The following CMIP variants were observed in gnomAD, a reference collection of about 807,000 sequenced individuals.
CMIP encodes the protein c-Maf inducing protein.
A neutral mutation model predicts 97.3 loss-of-function variants in CMIP; 13 were observed. The observed-to-expected ratio is 0.13, with a 90% CI of 0.09 to 0.21. CMIP has a LOEUF of 0.21. Among genes scored for constraint, CMIP ranks in the 10% least tolerant of loss-of-function variants. CMIP has a pLI of 1.00. For missense variants in CMIP, 847 were observed against 1,024.9 expected, an observed-to-expected ratio of 0.83 and a Z score of 2.37; for synonymous variants, 538 against 436.3, an observed-to-expected ratio of 1.23 and a Z score of -2.91.
chr16:81,469,246 A>G (rs1326034164), intron 1 of CMIP, among the ~76,000 whole-genome samples: 1 of 152,236 alleles, frequency 6.6e-6, no homozygotes, highest in Admixed American at 6.5e-5. Flanking sequence ...ATTGTCACGT[A>G]TAGGAAAACT....
intron 1 of CMIP, among the ~76,000 whole-genome samples, chr16:81,598,491 G>A (rs1207966433): frequency 2.0e-5 from 3 of 152,218 alleles, no homozygotes; most frequent in African/African-American, 4.8e-5. Context: ...GGCAGTGCCA[G>A]TATCAACTCA....
intron 3 of CMIP, among the ~76,000 whole-genome samples, chr16:81,632,932 G>A (rs2092183535): frequency 6.6e-6 from 1 of 151,940 alleles, no homozygotes; most frequent in South Asian, 2.1e-4. Flanking sequence ...GCATTACAGT[G>A]GCTTCCCAAA....
chr16:81,699,894 C>G (rs1224542251), intron 15 of CMIP, 93 bp downstream of exon 15: 10 of 845,654 alleles, frequency 1.2e-5, no homozygotes, highest in Admixed American at 2.2e-5. Flanking sequence ...GGAGCTGCTG[C>G]AGGCACGGGG....
At chr16:81,487,761 GTGTT>G (rs992606848) in intron 1 of CMIP, among the ~76,000 whole-genome samples, 4 of 152,240 alleles carry the variant, frequency 2.6e-5, no homozygotes, top group African/African-American at 9.6e-5. Flanking sequence ...CCCATGCAAA[GTGTT>G]TGGTTGGTGC....
In CMIP at chr16:81,678,644, G is replaced by T. The variant is rs1352273758; in HGVS notation, c.1388+16G>T. ...TCAAGCTGCTGTGAGTGCCCCCCCCGCGTGCCCGCCCCCGGGGCCGGTGGG... is the reference window on the plus strand; with the variant it reads ...TCAAGCTGCTGTGAGTGCCCCCCCCTCGTGCCCGCCCCCGGGGCCGGTGGG... On this transcript the variant is annotated intron_variant, in intron 10 of 20. Coordinates refer to ENST00000537098, the MANE Select transcript of CMIP (RefSeq NM_198390.3). 3 of 1,200,882 alleles carry T rather than the reference G, an allele frequency of 2.5e-6. No individual in the cohort carries two copies. The highest frequency in any genetic ancestry group is 2.4e-5 in the East Asian group (1 of 41,844). 74.4% of individuals were successfully genotyped at this position (1,200,882 alleles called of 1,614,324 possible). A position where few individuals can be genotyped will look rare whatever the true frequency, so the allele number is the denominator to read the frequency against.
At chr16:81,695,595 G>A (rs1008292373) in intron 13 of CMIP, 1 of 152,194 alleles carries the variant, frequency 6.6e-6, no homozygotes, top group Non-Finnish European at 1.5e-5. Context: ...TTTCCTGCAC[G>A]CCCTTGCTCT....
chr16:81,671,595 T>G (rs1334003707), intron 8 of CMIP, among the ~76,000 whole-genome samples: 2 of 152,226 alleles, frequency 1.3e-5, no homozygotes, highest in African/African-American at 2.4e-5. Context: ...TTGCTAGGTC[T>G]CTCTGTGAAT....
At chr16:81,670,291 C>T in intron 8 of CMIP, 46 bp downstream of exon 8, 1 of 1,549,994 alleles carries the variant, frequency 6.5e-7, no homozygotes, top group South Asian at 1.2e-5. Context: ...GAGCCACTTT[C>T]CTCTCGGATC....
chr16:81,652,250 G>C lies in CMIP; in HGVS notation c.525G>C (p.Trp175Cys). The change falls in exon 4 of 21, where the codon TGG becomes TGC. Residue 175 changes from tryptophan to cysteine, a missense_variant. Transcript: ENST00000537098. The surrounding 1 kb of genome is among the most constrained non-coding windows in gnomAD (Gnocchi z 5.2). ...YKKVLSNPSR[W>C]EVVLKEIRTL... is the part of the protein sequence containing the mutation. ...AAGTGCTGAGTAACCCAAGCCGCTG[G>C]GAAGTTGTCTTGAAAGAGATCCGGA... 2 of 1,613,800 alleles carry C rather than the reference G, an allele frequency of 1.2e-6. No individual in the cohort carries two copies. The highest frequency in any genetic ancestry group is 1.1e-5 in the South Asian group (1 of 91,078).
intron 1 of CMIP, among the ~76,000 whole-genome samples, chr16:81,556,930 G>A (rs143598235): frequency 8.9e-4 from 136 of 152,344 alleles, no homozygotes; most frequent in African/African-American, 3.2e-3. Flanking sequence ...GGCCAAGGAG[G>A]CGCGATGACT....
At chr16:81,495,954 G>C (rs746025529) in intron 1 of CMIP, among the ~76,000 whole-genome samples, 20 of 152,202 alleles carry the variant, frequency 1.3e-4, no homozygotes, top group Admixed American at 6.5e-5. Flanking sequence ...CCAGCTCCGA[G>C]ACTTGCAGGA....
intron 1 of CMIP, among the ~76,000 whole-genome samples, chr16:81,448,339 C>G (rs932972267): frequency 7.2e-5 from 11 of 152,360 alleles, no homozygotes; most frequent in African/African-American, 2.4e-4. Context: ...AAACCTTTTG[C>G]AGTCTGTTTC....
intron 1 of CMIP, among the ~76,000 whole-genome samples, chr16:81,496,997 C>T (rs890325660): frequency 6.6e-6 from 1 of 152,224 alleles, no homozygotes; most frequent in African/African-American, 2.4e-5. Context: ...AAGTGGATTG[C>T]ACAGATGCCC....
intron 2 of CMIP, chr16:81,619,787 A>G (rs2091969017): frequency 6.6e-6 from 1 of 152,180 alleles, no homozygotes; most frequent in African/African-American, 2.4e-5. Flanking sequence ...CAGTTTCCTC[A>G]TTTGTACCAT....
intron 1 of CMIP, among the ~76,000 whole-genome samples, chr16:81,587,263 G>T (rs755065644): frequency 1.3e-5 from 2 of 152,240 alleles, no homozygotes; most frequent in African/African-American, 2.4e-5. Flanking sequence ...CTCTGATGGG[G>T]CCGCCCATTC....
At chr16:81,628,120 A>G (rs527319833) in intron 3 of CMIP, among the ~76,000 whole-genome samples, 1 of 152,240 alleles carries the variant, frequency 6.6e-6, no homozygotes, top group East Asian at 1.9e-4. Context: ...GGATCCCTAC[A>G]AAAGGGGAAA....
At chr16:81,512,017 T>C (rs1347953787) in intron 1 of CMIP, among the ~76,000 whole-genome samples, 3 of 152,230 alleles carry the variant, frequency 2.0e-5, no homozygotes, top group African/African-American at 7.2e-5. Context: ...ATACAGTATC[T>C]CACTACTCAT....
chr16:81,519,731 A>G (rs1419858804), intron 1 of CMIP: 2 of 152,228 alleles, frequency 1.3e-5, no homozygotes, highest in Admixed American at 6.5e-5. Context: ...TACCACTTTT[A>G]ACCTACAGAA....
chr16:81,691,317 C>G (rs1906042030), intron 10 of CMIP, among the ~76,000 whole-genome samples: 1 of 152,180 alleles, frequency 6.6e-6, no homozygotes, highest in Admixed American at 6.5e-5. Flanking sequence ...GTTTCCTCTT[C>G]TTCTAAGGAC....
Sources: allele counts gnomAD v4.1 joint callset (sites outside exome capture counted in the v4.1 genomes callset), GRCh38; gene constraint gnomAD v4.1.1; non-coding constraint Gnocchi (gnomAD v3.1); transcripts MANE v1.5; gene names NCBI Gene and HGNC (gene_info 2026-07-23, HGNC 2026-07-21).